Variants in CSMD3 observed in about 807,000 individuals in gnomAD.
CSMD3 encodes the protein CUB and sushi domain-containing protein 3.
CSMD3 carries 177 observed loss-of-function variants against 435.2 expected under a neutral mutation model. The observed-to-expected ratio is 0.41, with a 90% CI of 0.36 to 0.46. The LOEUF is 0.46. Ranked by LOEUF, CSMD3 falls within the 20% of genes least tolerant of loss-of-function variation. CSMD3 has a pLI of 0.34. For synonymous variants in CSMD3, 1,656 were observed against 1,520.5 expected, an observed-to-expected ratio of 1.09 and a Z score of -2.07; for missense variants, 4,265 against 4,504.6, an observed-to-expected ratio of 0.95 and a Z score of 1.52.
rs112336960 is a variant in CSMD3, at chr8:112,607,800, G to T, written c.3716-20565C>A. Among the ~76,000 whole-genome samples the T allele has an allele frequency of 7.1e-3, 1,078 of 152,078 alleles. 8 individuals carry two copies. The highest frequency in any genetic ancestry group is 0.025 in the African/African-American group (1,023 of 41,496). The stretch of plus-strand genomic sequence containing the variant: ...TTTCCAAAAGATGAGGTAATAGAAA[G>T]AATGCACCTAAACACAATAAAAGTC... On this transcript the variant is annotated intron_variant, in intron 22 of 70. Transcript: ENST00000297405.
chr8:112,891,303 A>C (rs2081781624), intron 10 of CSMD3, among the ~76,000 whole-genome samples: 1 of 151,614 alleles, frequency 6.6e-6, no homozygotes, highest in South Asian at 2.1e-4. Flanking sequence ...TGCACATTCA[A>C]TCTTGAGCAG....
intron 13 of CSMD3, among the ~76,000 whole-genome samples, chr8:112,696,858 A>T (rs1472585881): frequency 3.3e-4 from 50 of 151,920 alleles, no homozygotes; most frequent in East Asian, 1.9e-4. Context: ...GAATCTACAA[A>T]GAACTCAAAC....
intron 8 of CSMD3, among the ~76,000 whole-genome samples, chr8:112,953,624 C>T (rs1407592001): frequency 6.6e-6 from 1 of 151,240 alleles, no homozygotes; most frequent in Non-Finnish European, 1.5e-5. Flanking sequence ...AAAATTATGA[C>T]ACCATTAATA....
At chr8:113,417,183 C>G (rs1378607862) in intron 1 of CSMD3, among the ~76,000 whole-genome samples, 2 of 151,680 alleles carry the variant, frequency 1.3e-5, no homozygotes, top group Non-Finnish European at 2.9e-5. Context: ...GAATCTCATG[C>G]CCAAGAAAAA....
intron 10 of CSMD3, among the ~76,000 whole-genome samples, chr8:112,912,826 C>A (rs763355951): frequency 7.9e-5 from 12 of 151,822 alleles, no homozygotes; most frequent in Admixed American, 3.3e-4. Flanking sequence ...CTGATAAAGG[C>A]CTTATGTCCA....
chr8:112,809,809 T>C (rs926569399), intron 12 of CSMD3, among the ~76,000 whole-genome samples: 15 of 152,168 alleles, frequency 9.9e-5, no homozygotes, highest in African/African-American at 3.6e-4. Flanking sequence ...CTTGCAATTA[T>C]AAATCCATTC....
At chr8:112,902,306 T>A (rs981123729) in intron 10 of CSMD3, among the ~76,000 whole-genome samples, 3 of 151,166 alleles carry the variant, frequency 2.0e-5, no homozygotes, top group Non-Finnish European at 4.4e-5. Context: ...CTTGATATGA[T>A]CAAAGGGTAG....
At chr8:112,657,370 A>G (rs2131666943) in intron 17 of CSMD3, among the ~76,000 whole-genome samples, 1 of 152,186 alleles carries the variant, frequency 6.6e-6, no homozygotes, top group Non-Finnish European at 1.5e-5. Context: ...GCCACCTTCA[A>G]AACTTAAATA....
chr8:112,806,809 C>T (rs1296907201), intron 12 of CSMD3, among the ~76,000 whole-genome samples: 2 of 152,162 alleles, frequency 1.3e-5, no homozygotes, highest in African/African-American at 4.8e-5. Flanking sequence ...GATAACATAC[C>T]TGTTAGTAGT....
At chr8:112,956,986 A>G (rs1309065907) in intron 7 of CSMD3, among the ~76,000 whole-genome samples, 1 of 152,154 alleles carries the variant, frequency 6.6e-6, no homozygotes, top group African/African-American at 2.4e-5. Flanking sequence ...TTAAATTCAC[A>G]AAAAATTTAA....
intron 13 of CSMD3, among the ~76,000 whole-genome samples, chr8:112,715,477 C>G (rs924187942): frequency 6.6e-6 from 1 of 152,126 alleles, no homozygotes; most frequent in Non-Finnish European, 1.5e-5. Context: ...AAATTCACAG[C>G]AAAATGCTGC....
At chr8:112,609,549 C>G (rs1330664457) in intron 22 of CSMD3, among the ~76,000 whole-genome samples, 1 of 152,032 alleles carries the variant, frequency 6.6e-6, no homozygotes, top group Non-Finnish European at 1.5e-5. Context: ...AAGGGGAACC[C>G]TTATACATTG....
In CSMD3 at chr8:113,083,725, T is replaced by C. The variant is rs915797522; in HGVS notation, c.917+15031A>G. 2.0e-5 allele frequency among the ~76,000 whole-genome samples: 3 copies of C among 152,084 alleles called. No individual in the cohort carries two copies. The East Asian group carries it at 5.8e-4, about 29-fold the overall frequency. ...CTTTGGATGTAAACAATTTAAAATT[T>C]TCAATTGAAAGGTAGAGGGAGGATC... On this transcript the variant is annotated intron_variant, in intron 5 of 70. Coordinates refer to ENST00000297405, the MANE Select transcript of CSMD3 (RefSeq NM_198123.2).
chr8:113,376,010 T>C (rs1482314076), intron 1 of CSMD3, among the ~76,000 whole-genome samples: 1 of 152,190 alleles, frequency 6.6e-6, no homozygotes, highest in African/African-American at 2.4e-5. Flanking sequence ...TCACTCAAGG[T>C]TGATTTAATT....
At chr8:113,020,724 C>G (rs2086656815) in intron 5 of CSMD3, among the ~76,000 whole-genome samples, 1 of 152,128 alleles carries the variant, frequency 6.6e-6, no homozygotes, top group South Asian at 2.1e-4. Context: ...AAATAAACAG[C>G]TGATTTATTA....
chr8:113,175,396 G>C lies in CSMD3; in HGVS notation c.515-1480C>G, dbSNP rs1251852170. 1.3e-5 allele frequency among the ~76,000 whole-genome samples: 2 copies of C among 151,604 alleles called. 1 individual carries two copies. Among genetic ancestry groups the C allele is most frequent in the Non-Finnish European group, 3.0e-5 (2 of 67,778 alleles). On this transcript the variant is annotated intron_variant, in intron 3 of 70. Transcript: ENST00000297405. Reference sequence around the variant, plus strand: ...TTAAAACTAGAAAAGTGAAGAAATTGGCTAATATTTACTAAACATAAATGG... The same window carrying C: ...TTAAAACTAGAAAAGTGAAGAAATTCGCTAATATTTACTAAACATAAATGG...
At chr8:113,421,467 C>G (rs754940139) in intron 1 of CSMD3, among the ~76,000 whole-genome samples, 31 of 152,288 alleles carry the variant, frequency 2.0e-4, no homozygotes, top group Admixed American at 7.2e-4. Flanking sequence ...TTAGAAATAT[C>G]TGTGCTTAAA....
intron 27 of CSMD3, chr8:112,539,404 T>C (rs985873662): frequency 6.6e-6 from 1 of 152,070 alleles, no homozygotes; most frequent in Admixed American, 6.6e-5. Flanking sequence ...TCAGAGAAAA[T>C]TTTTTAAAAA....
chr8:112,358,707 C>G (rs1002001283), intron 38 of CSMD3, among the ~76,000 whole-genome samples: 3 of 152,122 alleles, frequency 2.0e-5, no homozygotes, highest in Admixed American at 2.0e-4. Context: ...GCTTCACCAG[C>G]CCTGTGGAAC....
Sources: allele counts gnomAD v4.1 joint callset (sites outside exome capture counted in the v4.1 genomes callset), GRCh38; gene constraint gnomAD v4.1.1; transcripts MANE v1.5; gene names NCBI Gene and HGNC (gene_info 2026-07-23, HGNC 2026-07-21).